The following DOCK4 variants were observed in gnomAD, a reference collection of about 807,000 sequenced individuals.
DOCK4 encodes the protein dedicator of cytokinesis 4, also known as dedicator of cytokinesis protein 4.
Under a neutral mutation model 268.1 loss-of-function variants are expected in DOCK4, and 97 were observed. That is an observed-to-expected ratio of 0.36 (90% CI 0.31 to 0.43). The LOEUF is 0.43. Among genes scored for constraint, DOCK4 ranks in the 20% least tolerant of loss-of-function variants. The pLI is 1.00. For missense variants in DOCK4, 2,145 were observed against 2,455.7 expected (o/e 0.87, Z 2.67); for synonymous variants, 954 against 887.2 (o/e 1.08, Z -1.34).
At chr7:111,905,978 A>G (rs28450132) in intron 13 of DOCK4, among the ~76,000 whole-genome samples, 29,671 of 152,100 alleles carry the variant, frequency 0.2, 3,044 homozygotes, top group Middle Eastern at 0.25. Flanking sequence ...TCATTAAATT[A>G]TCATATCAAC....
At chr7:111,730,042 G>A (rs1444270958) in intron 52 of DOCK4, among the ~76,000 whole-genome samples, 1 of 152,182 alleles carries the variant, frequency 6.6e-6, no homozygotes, top group East Asian at 1.9e-4. Context: ...AGCTGAGAAG[G>A]GCTGTCCCTT....
intron 4 of DOCK4, among the ~76,000 whole-genome samples, chr7:111,997,479 T>C (rs1311426318): frequency 6.6e-6 from 1 of 152,214 alleles, no homozygotes; most frequent in Non-Finnish European, 1.5e-5. Context: ...ATTTATACCA[T>C]AGACTCTTAG....
intron 6 of DOCK4, 101 bp downstream of exon 6, chr7:111,988,914 A>G: frequency 1.4e-6 from 2 of 1,466,762 alleles, no homozygotes; most frequent in East Asian, 5.0e-5. Flanking sequence ...GAAAAAGCCC[A>G]TAGGATTGCT....
At chr7:111,784,391 T>C in intron 32 of DOCK4, 2 of 642,282 alleles carry the variant, frequency 3.1e-6, no homozygotes, top group Admixed American at 2.1e-5. Flanking sequence ...TACCTCTCAG[T>C]GGAATGCATC....
intron 28 of DOCK4, among the ~76,000 whole-genome samples, chr7:111,810,423 G>C (rs1310990854): frequency 6.6e-6 from 1 of 151,360 alleles, no homozygotes; most frequent in African/African-American, 2.4e-5. Context: ...CTGCACTCCA[G>C]ACTGGGCGAC....
intron 1 of DOCK4, among the ~76,000 whole-genome samples, chr7:112,095,177 C>A (rs942754284): frequency 1.3e-5 from 2 of 152,022 alleles, no homozygotes; most frequent in African/African-American, 2.4e-5. Context: ...CATTTGGCTT[C>A]TTTATTTTAT....
At chr7:111,728,910 C>T (rs1794866754) in intron 52 of DOCK4, among the ~76,000 whole-genome samples, 190 bp from the exon 53 acceptor site, 1 of 152,158 alleles carries the variant, frequency 6.6e-6, no homozygotes, top group Non-Finnish European at 1.5e-5. Flanking sequence ...TCCAAGCTGA[C>T]TGGTGTCCTT....
intron 8 of DOCK4, among the ~76,000 whole-genome samples, chr7:111,956,085 T>A (rs1208858165): frequency 6.6e-6 from 1 of 152,176 alleles, no homozygotes; most frequent in African/African-American, 2.4e-5. Flanking sequence ...GTAGGCAGAA[T>A]GCGTTCTGCT....
chr7:111,814,739 C>A (rs529105836), intron 27 of DOCK4, among the ~76,000 whole-genome samples: 5 of 152,254 alleles, frequency 3.3e-5, no homozygotes, highest in South Asian at 4.1e-4. Context: ...ATGGGGCTTG[C>A]AGTTCTTATT....
At chr7:111,958,887 C>T (rs181437324) in intron 8 of DOCK4, among the ~76,000 whole-genome samples, 93 of 152,290 alleles carry the variant, frequency 6.1e-4, no homozygotes, top group African/African-American at 1.9e-3. Flanking sequence ...CTCCTCCTTG[C>T]TCATTTCATA....
Position 112,160,595 on chromosome 7 carries a change from G to A in DOCK4, c.37+45507C>T, listed in dbSNP as rs116282429. 7.9e-3 allele frequency among the ~76,000 whole-genome samples: 1,199 copies of A among 152,226 alleles called. 16 individuals carry two copies. The highest frequency in any genetic ancestry group is 0.028 in the African/African-American group (1,145 of 41,550). ...GTAAATCAGCAAGACTCTGAACATG[G>A]CAGTCAGAGGTTACACAGAAATCTG... On this transcript the variant is annotated intron_variant, in intron 1 of 52. Transcript: ENST00000428084.
chr7:112,184,802 G>C (rs990354338), intron 1 of DOCK4, among the ~76,000 whole-genome samples: 1 of 151,900 alleles, frequency 6.6e-6, no homozygotes, highest in African/African-American at 2.4e-5. Context: ...CCCCCTTAGA[G>C]CTTGCAGAGG....
At chr7:112,025,579 G>A (rs1802714026) in intron 1 of DOCK4, among the ~76,000 whole-genome samples, 1 of 151,984 alleles carries the variant, frequency 6.6e-6, no homozygotes, top group South Asian at 2.1e-4. Context: ...CTCCATTCAG[G>A]TGCCGGTATG....
intron 17 of DOCK4, among the ~76,000 whole-genome samples, chr7:111,875,984 TAAA>T (rs1352070270): frequency 6.6e-6 from 1 of 152,162 alleles, no homozygotes; most frequent in Admixed American, 6.5e-5. Flanking sequence ...CCACATAGAA[TAAA>T]TAAAAATTTC....
chr7:112,176,895 T>C (rs1818576531), intron 1 of DOCK4, among the ~76,000 whole-genome samples: 1 of 152,232 alleles, frequency 6.6e-6, no homozygotes, highest in South Asian at 2.1e-4. Context: ...GCACAGATGT[T>C]GATCATCGAC....
rs932099098 is a variant in DOCK4 at position 111,984,310 on chromosome 7, C to T, written c.545G>A (p.Arg182Gln). 22 of 1,611,092 alleles carry T rather than the reference C, an allele frequency of 1.4e-5. No individual in the cohort carries two copies. The highest frequency in any genetic ancestry group is 1.7e-4 in the Middle Eastern group (1 of 6,054). Residue 182 changes from arginine (R) to glutamine (Q), a missense_variant, in exon 7 of 53, where the codon CGA (arginine) becomes CAA (glutamine). Coordinates refer to ENST00000428084, the MANE Select transcript of DOCK4 (RefSeq NM_001363540.2). ...PEDISITELY[R>Q]LMEHRHRKKD... ...GCCAAGATTTCCTGTACCTACCAATCGGTAGAGCTCAGTAATGCTGATGTC... is the reference window on the plus strand; with the variant it reads ...GCCAAGATTTCCTGTACCTACCAATTGGTAGAGCTCAGTAATGCTGATGTC...
rs910491292 is a variant in DOCK4 at position 111,881,349 on chromosome 7, A to T, written c.1588-4163T>A. On this transcript the variant is annotated intron_variant, in intron 16 of 52. Coordinates refer to ENST00000428084, the MANE Select transcript of DOCK4 (RefSeq NM_001363540.2). ...GCTCAACATCACTGATCATCAGAGA[A>T]ATGCAAATCAAAACTACAACGAGAT... 2.0e-5 allele frequency among the ~76,000 whole-genome samples: 3 copies of T among 152,216 alleles called. No homozygotes were observed. In the East Asian group the frequency reaches 5.8e-4, roughly 29 times the overall value.
chr7:112,039,596 C>A (rs972127382), intron 1 of DOCK4, among the ~76,000 whole-genome samples: 3 of 151,898 alleles, frequency 2.0e-5, no homozygotes, highest in Non-Finnish European at 1.5e-5. Flanking sequence ...GACCACTTGC[C>A]CCCCGAGCCA....
chr7:111,959,896 C>G lies in DOCK4; in HGVS notation c.702-14098G>C, dbSNP rs78556425. ...ATCCCTATTTGCTAAGCACATCCAGCAAAAGCTAACCTGGGAGTCTGGATG... is the reference window on the plus strand; with the variant it reads ...ATCCCTATTTGCTAAGCACATCCAGGAAAAGCTAACCTGGGAGTCTGGATG... On this transcript the variant is annotated intron_variant, in intron 8 of 52. Transcript: ENST00000428084. Among the ~76,000 whole-genome samples the G allele has an allele frequency of 5.4e-3, 827 of 152,268 alleles. 11 individuals are homozygous for G. The highest frequency in any genetic ancestry group is 0.019 in the African/African-American group (776 of 41,542).
Sources: allele counts gnomAD v4.1 joint callset (sites outside exome capture counted in the v4.1 genomes callset), GRCh38; gene constraint gnomAD v4.1.1; transcripts MANE v1.5; gene names NCBI Gene and HGNC (gene_info 2026-07-23, HGNC 2026-07-21).